Variants in VPS51 observed in about 807,000 individuals in gnomAD.
VPS51 encodes the protein VPS51 subunit of GARP complex.
In VPS51, 55 loss-of-function variants were observed where a neutral mutation model predicts 65.1. The ratio of observed to expected loss-of-function variants is 0.84; its 90% CI spans 0.68 to 1.06. The LOEUF is 1.06. Among genes scored for constraint, VPS51 ranks in the 50% least tolerant of loss-of-function variants. The pLI is 0.00. For synonymous variants in VPS51, 473 were observed against 489.5 expected (o/e 0.97, Z 0.44); for missense variants, 943 against 1,101.6 (o/e 0.86, Z 2.04).
intron 2 of VPS51, among the ~76,000 whole-genome samples, chr11:65,098,412 T>A (rs949495658): frequency 7.9e-5 from 12 of 152,190 alleles, no homozygotes; most frequent in Non-Finnish European, 1.2e-4. Flanking sequence ...TCCTCTTTAT[T>A]CTCTAGTGCC....
chr11:65,102,016 G>GT (rs1947812173), intron 2 of VPS51, among the ~76,000 whole-genome samples: 1 of 139,132 alleles, frequency 7.2e-6, no homozygotes, highest in Non-Finnish European at 1.5e-5. Context: ...TTCTTAACAA[G>GT]CTTTTTTTTT....
At chr11:65,102,017 CTTT>C (rs990847395) in intron 2 of VPS51, among the ~76,000 whole-genome samples, 4 of 121,870 alleles carry the variant, frequency 3.3e-5, no homozygotes, top group African/African-American at 9.6e-5. Context: ...TCTTAACAAG[CTTT>C]TTTTTTTTTT....
rs768350266 is a variant in VPS51 at position 65,110,445 on chromosome 11, ACTCGGGC to A, written c.1879-33_1879-27del. On this transcript the variant is annotated intron_variant, in intron 7 of 9. Transcript: ENST00000279281. ...ACCGATGGGCTGGTGGTTTCCCCTG[ACTCGGGC>A]CTCCTTGCAGTACCTCTTTTTACCA... 11 of 1,613,426 alleles carry A rather than the reference ACTCGGGC, an allele frequency of 6.8e-6. No homozygotes were observed. In the East Asian group the frequency reaches 2.2e-4, roughly 33 times the overall value.
chr11:65,103,059 TAGG>T (rs1175154572), intron 2 of VPS51, among the ~76,000 whole-genome samples: 2 of 152,146 alleles, frequency 1.3e-5, no homozygotes, highest in Non-Finnish European at 2.9e-5. Context: ...GAAGCTAAGG[TAGG>T]AGGATCACTT....
chr11:65,109,085 A>G, intron 5 of VPS51, 171 bp downstream of exon 5: 1 of 1,036,400 alleles, frequency 9.6e-7, no homozygotes, highest in Non-Finnish European at 1.4e-6. Flanking sequence ...TGGGCTGAGA[A>G]GCAGGGCATG....
chr11:65,098,911 G>A (rs1947789127), intron 2 of VPS51, among the ~76,000 whole-genome samples: 1 of 152,204 alleles, frequency 6.6e-6, no homozygotes, highest in South Asian at 2.1e-4. Context: ...GTGAGGGGCC[G>A]GGCATGGGGT....
At position 65,097,142 on chromosome 11, in the gene VPS51, GAC is replaced by G; in HGVS notation, c.358+20_358+21del. On this transcript the variant is annotated intron_variant, in intron 2 of 9. Coordinates refer to ENST00000279281, the MANE Select transcript of VPS51 (RefSeq NM_013265.4). ...CTCAGCCACAGGTGATCCCCACGGG[GAC>G]ACACCCTCCAAAGTCTCACAGCCCC... 6.2e-7 allele frequency: 1 copy of G among 1,613,604 alleles called. No individual in the cohort carries two copies. The highest frequency in any genetic ancestry group is 2.2e-5 in the East Asian group (1 of 44,872).
intron 2 of VPS51, among the ~76,000 whole-genome samples, chr11:65,099,263 G>T (rs971580009): frequency 6.6e-6 from 1 of 152,186 alleles, no homozygotes; most frequent in Admixed American, 6.5e-5. Context: ...TCAGGAAGGA[G>T]GGGGGTGGAA....
chr11:65,110,224 A>AG, intron 7 of VPS51: 1 of 644,804 alleles, frequency 1.6e-6, no homozygotes, highest in South Asian at 2.0e-5. Flanking sequence ...GCAGAGGCTC[A>AG]GGGTTACCCA....
At chr11:65,110,910 GTC>G in intron 9 of VPS51, 129 bp downstream of exon 9, 3 of 1,125,648 alleles carry the variant, frequency 2.7e-6, no homozygotes, top group Non-Finnish European at 2.6e-6. Context: ...TCCAGTCTCT[GTC>G]TCTAGGGCTG....
chr11:65,110,654 G>T, intron 8 of VPS51, 40 bp from the exon 9 acceptor site: 1 of 1,614,170 alleles, frequency 6.2e-7, no homozygotes, highest in Non-Finnish European at 8.5e-7. Flanking sequence ...GAGGGCGAGG[G>T]TGCAGGGCGG....
At position 65,108,474 on chromosome 11, in the gene VPS51, G is replaced by A. The variant is rs529522145; in HGVS notation, c.1003G>A (p.Glu335Lys). 3.7e-6 allele frequency: 6 copies of A among 1,608,592 alleles called. No individual in the cohort carries two copies. The African/African-American group carries it at 4.0e-5, about 11-fold the overall frequency. The change falls in exon 5 of 10, where the codon GAG becomes AAG. Residue 335 changes from glutamate (E) to lysine (K), a missense_variant. Around this residue, in one of 2 missense-constraint regions of VPS51, gnomAD observed 855 missense variants for 953.7 expected, o/e 0.90. Transcript: ENST00000279281. ...LFAAQGPAGA[E>K]KLAAFARQLG... is the part of the protein sequence containing the mutation. ...TGCGGCCCAGGGCCCAGCAGGTGCC[G>A]AGAAGCTGGCGGCCTTCGCCCGGCA...
chr11:65,097,387 G>A (rs11227120), intron 2 of VPS51, among the ~76,000 whole-genome samples: 5 of 152,044 alleles, frequency 3.3e-5, no homozygotes, highest in Non-Finnish European at 5.9e-5. Context: ...TAGAGACAAT[G>A]TCTTGTTCTG....
rs1240154524 is a variant in VPS51, at chr11:65,107,315, G to T, written c.359-266G>T. 1.7e-6 allele frequency: 1 copy of T among 604,688 alleles called. No individual in the cohort carries two copies. Among genetic ancestry groups the T allele is most frequent in the African/African-American group, 1.8e-5 (1 of 55,092 alleles). The allele number at this position is 604,688 out of a possible 1,614,324, so 37.5% of individuals were successfully genotyped here. ...GCACCTGCGGCCTGCTTCGGATCTG[G>T]ACTAATTCTGAGGGCCGGCTCTCCT... On this transcript the variant is annotated intron_variant, in intron 2 of 9. Coordinates refer to ENST00000279281, the MANE Select transcript of VPS51 (RefSeq NM_013265.4). The surrounding 1 kb of genome is among the most constrained non-coding windows in gnomAD (Gnocchi z 4.0).
chr11:65,106,737 C>T (rs1411732831), intron 2 of VPS51, among the ~76,000 whole-genome samples: 2 of 133,506 alleles, frequency 1.5e-5, no homozygotes, highest in Admixed American at 8.3e-5. Context: ...GGCGACAGAG[C>T]GAGACTCAGT....
rs983757099 is a variant in VPS51, at chr11:65,110,344, A to G, written c.1879-138A>G. The G allele has an allele frequency of 4.9e-6, 7 of 1,431,022 alleles. 1 individual carries two copies. The South Asian group carries it at 5.0e-5, about 10-fold the overall frequency. The allele number at this position is 1,431,022 out of a possible 1,614,324, so 88.6% of individuals were successfully genotyped here. A position where few individuals can be genotyped will look rare whatever the true frequency, so the allele number is the denominator to read the frequency against. Reference sequence around the variant, plus strand: ...TTCTATAAATAGCGACCATGTACCTACTAAATAGCGGGCCCCGCGGTGATT... The same window carrying G: ...TTCTATAAATAGCGACCATGTACCTGCTAAATAGCGGGCCCCGCGGTGATT... On this transcript the variant is annotated intron_variant, in intron 7 of 9. Coordinates refer to ENST00000279281, the MANE Select transcript of VPS51 (RefSeq NM_013265.4).
At position 65,109,234 on chromosome 11, in the gene VPS51, C is replaced by A. The variant is rs757812761; in HGVS notation, c.1444-46C>A. On this transcript the variant is annotated intron_variant, in intron 5 of 9. Transcript: ENST00000279281. ...CAGCAGAGGGTCATTAACAGCCTTA[C>A]CTGGAAGAGGGGACCTGCTGTGGAC... The A allele has an allele frequency of 1.7e-5, 27 of 1,584,448 alleles. No individual in the cohort carries two copies. In the Middle Eastern group the frequency reaches 1.1e-3, roughly 65 times the overall value.
chr11:65,098,313 C>G (rs1947784647), intron 2 of VPS51, among the ~76,000 whole-genome samples: 1 of 152,206 alleles, frequency 6.6e-6, no homozygotes, highest in Non-Finnish European at 1.5e-5. Flanking sequence ...CTTTCTTTCT[C>G]CCTTCCTTCC....
At chr11:65,096,513 G>GC in intron 1 of VPS51, 35 bp downstream of exon 1, 2 of 1,137,980 alleles carry the variant, frequency 1.8e-6, no homozygotes, top group Non-Finnish European at 2.5e-6. Flanking sequence ...GGTGCGGGGA[G>GC]GGGGGAAGGG....
Sources: gnomAD v4.1 joint callset for allele counts (sites outside exome capture counted in the v4.1 genomes callset) on GRCh38, gnomAD v4.1.1 for gene constraint, gnomAD v4.1.1 regional missense constraint, Gnocchi (gnomAD v3.1) non-coding constraint, MANE v1.5 for transcripts, NCBI Gene and HGNC (gene_info 2026-07-23, HGNC 2026-07-21) for gene names.